KANSL1: variants seen among roughly 807,000 people sequenced by gnomAD.
KANSL1 encodes KAT8 regulatory NSL complex subunit 1.
Under a neutral mutation model 103.6 loss-of-function variants are expected in KANSL1, and 22 were observed. That is an observed-to-expected ratio of 0.21 (90% CI 0.15 to 0.30). KANSL1 has a LOEUF of 0.30. KANSL1 is among the 10% of genes least tolerant of loss of function. The pLI is 1.00. For synonymous variants in KANSL1, 600 were observed against 527.6 expected, an observed-to-expected ratio of 1.14 and a Z score of -1.88; for missense variants, 1,337 against 1,399.8, an observed-to-expected ratio of 0.96 and a Z score of 0.72.
At chr17:46,062,346 T>A (rs151335207) in intron 6 of KANSL1, among the ~76,000 whole-genome samples, 5 of 140,446 alleles carry the variant, frequency 3.6e-5, no homozygotes, top group Admixed American at 2.2e-4. Context: ...ACAAGTGATA[T>A]AACAACAGCT....
At chr17:46,156,772 A>C (rs1211468682) in intron 2 of KANSL1, 1 of 153,138 alleles carries the variant, frequency 6.5e-6, no homozygotes, top group Admixed American at 6.5e-5. Context: ...AGTGGCTCAC[A>C]CCTGAAATCC....
At chr17:46,078,233 T>C (rs1385155008) in intron 4 of KANSL1, among the ~76,000 whole-genome samples, 1 of 152,236 alleles carries the variant, frequency 6.6e-6, no homozygotes, top group Non-Finnish European at 1.5e-5. Flanking sequence ...TCTTTAAGTG[T>C]GAGCCTTTAT....
At position 46,096,319 on chromosome 17, in the gene KANSL1, T is replaced by TC. The variant is rs1421369457; in HGVS notation, c.1290-1619_1290-1618insG. ...ATACCTGGCTTTTTTTTCTTTTTTT[T>TC]TTTTTTTTTTTTTGAGATGGAGTTT... On this transcript the variant is annotated intron_variant, in intron 2 of 14. Transcript: ENST00000432791. 1.4e-4 allele frequency among the ~76,000 whole-genome samples: 17 copies of TC among 119,568 alleles called. No individual in the cohort carries two copies. The South Asian group carries it at 2.4e-3, about 17-fold the overall frequency. 78.4% of individuals were successfully genotyped at this position (119,568 alleles called of 152,430 possible).
intron 4 of KANSL1, among the ~76,000 whole-genome samples, chr17:46,073,720 C>A (rs1392459352): frequency 1.3e-5 from 2 of 152,030 alleles, no homozygotes; most frequent in African/African-American, 2.4e-5. Context: ...AACAACATAA[C>A]CATACTGAAA....
chr17:46,104,853 T>C (rs2147049948), intron 2 of KANSL1, among the ~76,000 whole-genome samples: 1 of 152,306 alleles, frequency 6.6e-6, no homozygotes, highest in South Asian at 2.1e-4. Flanking sequence ...TTTGTTCTTA[T>C]CGCCTAGGCT....
At chr17:46,111,210 C>T (rs1436907920) in intron 2 of KANSL1, among the ~76,000 whole-genome samples, 1 of 152,144 alleles carries the variant, frequency 6.6e-6, no homozygotes, top group Non-Finnish European at 1.5e-5. Flanking sequence ...GCCAAGAAAA[C>T]ACTGAAAGAT....
chr17:46,191,967 TCA>T (rs2047352965), intron 1 of KANSL1, among the ~76,000 whole-genome samples: 1 of 116,898 alleles, frequency 8.6e-6, no homozygotes, highest in South Asian at 2.7e-4. Context: ...TATTAATAAG[TCA>T]CAGAAAATGC....
At chr17:46,172,875 C>T (rs1480074672) in intron 1 of KANSL1, among the ~76,000 whole-genome samples, 1 of 152,220 alleles carries the variant, frequency 6.6e-6, no homozygotes, top group Non-Finnish European at 1.5e-5. Context: ...GGAATTTACT[C>T]AAGTATCTTC....
chr17:46,033,987 A>G (rs1368055841), intron 11 of KANSL1, among the ~76,000 whole-genome samples, 174 bp downstream of exon 11: 1 of 152,226 alleles, frequency 6.6e-6, no homozygotes, highest in East Asian at 1.9e-4. Context: ...TATTCCTATA[A>G]TGGAATGAGA....
intron 1 of KANSL1, among the ~76,000 whole-genome samples, chr17:46,173,880 T>C (rs2046399317): frequency 6.6e-6 from 1 of 152,248 alleles, no homozygotes; most frequent in Admixed American, 6.5e-5. Flanking sequence ...TAAAGCACTC[T>C]GCTGCTTTAT....
intron 5 of KANSL1, among the ~76,000 whole-genome samples, chr17:46,067,053 A>G (rs1283485115): frequency 6.6e-6 from 1 of 152,252 alleles, no homozygotes; most frequent in African/African-American, 2.4e-5. Flanking sequence ...CTAGAGAACT[A>G]CAGTTGGTTA....
chr17:46,161,645 G>A (rs1196086717), intron 2 of KANSL1, among the ~76,000 whole-genome samples: 2 of 152,212 alleles, frequency 1.3e-5, no homozygotes, highest in African/African-American at 4.8e-5. Flanking sequence ...ATATACAAGG[G>A]TATTCAATTC....
At chr17:46,183,464 T>G (rs1251788709) in intron 1 of KANSL1, among the ~76,000 whole-genome samples, 1 of 151,954 alleles carries the variant, frequency 6.6e-6, no homozygotes, top group Non-Finnish European at 1.5e-5. Flanking sequence ...CACTTGAGCC[T>G]GGCGGGTGGA....
At chr17:46,095,102 T>C (rs932401661) in intron 2 of KANSL1, among the ~76,000 whole-genome samples, 1 of 151,088 alleles carries the variant, frequency 6.6e-6, no homozygotes, top group Non-Finnish European at 1.5e-5. Context: ...GTAAAGAATA[T>C]TTAAAAACTA....
chr17:46,152,474 C>T (rs1450679149), intron 2 of KANSL1, among the ~76,000 whole-genome samples: 1 of 151,874 alleles, frequency 6.6e-6, no homozygotes, highest in East Asian at 1.9e-4. Flanking sequence ...CTAAAAATGC[C>T]TTTGAAGCAA....
chr17:46,173,411 T>C (rs1162784073), intron 1 of KANSL1, among the ~76,000 whole-genome samples: 1 of 152,226 alleles, frequency 6.6e-6, no homozygotes, highest in Non-Finnish European at 1.5e-5. Flanking sequence ...TGCTTTTATT[T>C]AGTAACCAAG....
intron 2 of KANSL1, among the ~76,000 whole-genome samples, chr17:46,154,137 G>A (rs1406068637): frequency 6.6e-6 from 1 of 152,164 alleles, no homozygotes; most frequent in East Asian, 1.9e-4. Flanking sequence ...AAAAGTAAGG[G>A]GAAAAAGACA....
chr17:46,190,851 T>C (rs972486073), intron 1 of KANSL1, among the ~76,000 whole-genome samples: 1 of 152,250 alleles, frequency 6.6e-6, no homozygotes, highest in Non-Finnish European at 1.5e-5. Flanking sequence ...ACATTTATAA[T>C]ACATTTTTTA....
chr17:46,123,144 C>T (rs75652502), intron 2 of KANSL1, among the ~76,000 whole-genome samples: 2 of 152,136 alleles, frequency 1.3e-5, no homozygotes, highest in African/African-American at 2.4e-5. Context: ...TGGGAGGCGG[C>T]GGCAGGCGGA....
Sources: gnomAD v4.1 joint callset for allele counts (sites outside exome capture counted in the v4.1 genomes callset) on GRCh38, gnomAD v4.1.1 for gene constraint, MANE v1.5 for transcripts, NCBI Gene and HGNC (gene_info 2026-07-23, HGNC 2026-07-21) for gene names.